The following MACF1 variants were observed in gnomAD, a reference collection of about 807,000 sequenced individuals.
MACF1 encodes the protein microtubule-actin cross-linking factor 1.
A neutral mutation model predicts 854.8 loss-of-function variants in MACF1; 193 were observed. That is an observed-to-expected ratio of 0.23 (90% confidence interval 0.20 to 0.25). The LOEUF is 0.25. MACF1 is among the 10% of genes least tolerant of loss of function. The probability of loss-of-function intolerance (pLI) is 1.00; values close to 1 mark genes in which losing one functional copy is unlikely to be tolerated. For synonymous variants in MACF1, 3,185 were observed against 3,226.7 expected (o/e 0.99, Z 0.44); for missense variants, 7,722 against 8,929.1 (o/e 0.86, Z 5.45).
Position 39,291,963 on chromosome 1 carries a change from G to A in MACF1, c.1839G>A (p.Gln613=). The A allele has an allele frequency of 6.2e-7, 1 of 1,614,070 alleles. No individual in the cohort carries two copies. Among genetic ancestry groups the A allele is most frequent in the South Asian group, 1.1e-5 (1 of 91,076 alleles). ...WGNDLPSVEL[Q]LETQQHIHTS... is the part of the protein sequence containing the mutation. ...ATGACCTGCCTAGTGTGGAGTTGCA[G>A]CTAGAAACACAGCAGCACATCCATA... The change falls in exon 16 of 101, where the codon CAG becomes CAA. Residue 613 remains glutamine, a synonymous_variant. Coordinates refer to ENST00000564288, the MANE Select transcript of MACF1 (RefSeq NM_001394062.1).
chr1:39,263,580 A>G (rs1319020305), intron 6 of MACF1, among the ~76,000 whole-genome samples: 1 of 152,024 alleles, frequency 6.6e-6, no homozygotes, highest in Non-Finnish European at 1.5e-5. Flanking sequence ...GATACATCCA[A>G]CTTTCTTTGC....
chr1:39,108,013 T>G (rs1298804171), intron 2 of MACF1, among the ~76,000 whole-genome samples: 17 of 151,610 alleles, frequency 1.1e-4, no homozygotes, highest in Non-Finnish European at 2.4e-4. Context: ...GGAATGGTAG[T>G]CAAGTATGGG....
chr1:39,480,229 A>G, intron 98 of MACF1: 1 of 443,554 alleles, frequency 2.3e-6, no homozygotes, highest in South Asian at 3.0e-5. Flanking sequence ...AAGGACATTT[A>G]TTAAAATATG....
chr1:39,156,711 A>G (rs1349155298), intron 2 of MACF1, among the ~76,000 whole-genome samples: 1 of 152,232 alleles, frequency 6.6e-6, no homozygotes, highest in Admixed American at 6.5e-5. Flanking sequence ...GATTGACTCT[A>G]CAAGAATCTA....
At chr1:39,379,562 G>A in intron 54 of MACF1, 118 bp downstream of exon 54, 1 of 1,123,410 alleles carries the variant, frequency 8.9e-7, no homozygotes, top group Non-Finnish European at 1.3e-6. Flanking sequence ...AGGCTGTGAT[G>A]GGCAGTATGT....
intron 65 of MACF1, 67 bp downstream of exon 65, chr1:39,430,135 C>A: frequency 6.6e-7 from 1 of 1,516,452 alleles, no homozygotes; most frequent in Non-Finnish European, 8.9e-7. Context: ...TAAGTTTTAT[C>A]AACCTTTACC....
At chr1:39,426,781 G>C (rs573357003) in intron 61 of MACF1, among the ~76,000 whole-genome samples, 1 of 151,920 alleles carries the variant, frequency 6.6e-6, no homozygotes, top group Non-Finnish European at 1.5e-5. Context: ...TTTTTTTTGG[G>C]GGGGGTGCTT....
intron 19 of MACF1, 68 bp downstream of exon 19, chr1:39,295,218 G>C: frequency 7.5e-7 from 1 of 1,329,470 alleles, no homozygotes; most frequent in South Asian, 1.2e-5. Flanking sequence ...ATTCAAATTA[G>C]AGACTTTGTT....
At position 39,387,735 on chromosome 1, in the gene MACF1, G is replaced by A; in HGVS notation, c.14893G>A (p.Ala4965Thr). The A allele has an allele frequency of 6.2e-6, 10 of 1,614,158 alleles. No homozygotes were observed. Among genetic ancestry groups the A allele is most frequent in the Non-Finnish European group, 8.5e-6 (10 of 1,180,030 alleles). ...CTCCCTGCTGGAAATATTGAATAGT[G>A]CTGCTGACATTCTGATCAATTCTTC... ...RRSLLEILNS[A>T]ADILINSSEA... The change falls in exon 58 of 101, where the codon GCT becomes ACT. Residue 4965 changes from alanine to threonine, a missense_variant. By Grantham distance (58) the Ala-to-Thr change is moderately conservative. Coordinates refer to ENST00000564288, the MANE Select transcript of MACF1 (RefSeq NM_001394062.1).
At chr1:39,290,671 T>C (rs1645759858) in intron 15 of MACF1, among the ~76,000 whole-genome samples, 2 of 147,134 alleles carry the variant, frequency 1.4e-5, no homozygotes, top group Admixed American at 1.3e-4. Context: ...GTAACTTTTT[T>C]TTTTTTTTTT....
chr1:39,331,957 T>A lies in MACF1; in HGVS notation c.5369T>A (p.Val1790Glu). 6.2e-7 allele frequency: 1 copy of A among 1,614,094 alleles called. No individual in the cohort carries two copies. Among genetic ancestry groups the A allele is most frequent in the Non-Finnish European group, 8.5e-7 (1 of 1,179,998 alleles). The change falls in exon 37 of 101, where the codon GTA becomes GAA. Residue 1790 changes from valine (V) to glutamate (E), a missense_variant. Val to Glu is a moderately radical substitution (Grantham distance 121). Transcript: ENST00000564288. ...CACAGACTTACAGTGGAAGAGGCTG[T>A]AAGACATAATCTGATTGACCAAGAT... Reference protein sequence around the residue: ...TGHRLTVEEAVRHNLIDQDMA... With the variant: ...TGHRLTVEEAERHNLIDQDMA...
Position 39,439,339 on chromosome 1 carries a change from C to A in MACF1, c.18286C>A (p.Arg6096=). Residue 6096 remains arginine (R), a synonymous_variant, in exon 72 of 101, where the codon CGA becomes AGA. Transcript: ENST00000564288. Reference sequence around the variant, plus strand: ...GGACATCAAAGCTCGGGCTGAAGAACGAGAAATCAAATTTCTTGATGTCCT... The same window carrying A: ...GGACATCAAAGCTCGGGCTGAAGAAAGAGAAATCAAATTTCTTGATGTCCT... ...WEDIKARAEE[R]EIKFLDVLEL... is the part of the protein sequence containing the mutation. 1.9e-6 allele frequency: 3 copies of A among 1,613,848 alleles called. No homozygotes were observed. The highest frequency in any genetic ancestry group is 2.5e-6 in the Non-Finnish European group (3 of 1,179,930).
intron 58 of MACF1, among the ~76,000 whole-genome samples, chr1:39,391,265 T>C (rs896772091): frequency 1.3e-5 from 2 of 152,210 alleles, no homozygotes; most frequent in African/African-American, 4.8e-5. Context: ...GGTTGTACTG[T>C]CTATACTATG....
intron 58 of MACF1, among the ~76,000 whole-genome samples, chr1:39,395,860 C>A (rs1237736783): frequency 6.6e-6 from 1 of 152,124 alleles, no homozygotes; most frequent in African/African-American, 2.4e-5. Flanking sequence ...TAAAATATTG[C>A]CAGTTGTATT....
intron 2 of MACF1, among the ~76,000 whole-genome samples, chr1:39,151,997 G>A (rs918264558): frequency 8.6e-5 from 13 of 151,344 alleles, no homozygotes; most frequent in Non-Finnish European, 1.9e-4. Context: ...TTTTTAAGAC[G>A]GAGTTTTGCT....
At chr1:39,354,322 C>G (rs1052649791) in intron 44 of MACF1, among the ~76,000 whole-genome samples, 1 of 152,122 alleles carries the variant, frequency 6.6e-6, no homozygotes, top group East Asian at 1.9e-4. Flanking sequence ...TTCACTTCCT[C>G]TAGGAAGCCC....
rs913001009 is a variant in MACF1 at position 39,460,095 on chromosome 1, C to G, written c.21361-537C>G. Reference sequence around the variant, plus strand: ...ATGGAGGTCAGATGGGCAATTTGCTCTCTGGTGCCATTCCAAAGAAACATG... The same window carrying G: ...ATGGAGGTCAGATGGGCAATTTGCTGTCTGGTGCCATTCCAAAGAAACATG... On this transcript the variant is annotated intron_variant, in intron 91 of 100. Transcript: ENST00000564288. This position sits in a 1 kb window ranked among gnomAD's most constrained non-coding sequence, Gnocchi z 4.1. 2.0e-5 allele frequency among the ~76,000 whole-genome samples: 3 copies of G among 152,218 alleles called. No individual in the cohort carries two copies. The highest frequency in any genetic ancestry group is 6.5e-5 in the Admixed American group (1 of 15,286).
At chr1:39,214,940 G>A (rs1644558068) in intron 1 of MACF1, among the ~76,000 whole-genome samples, 1 of 152,206 alleles carries the variant, frequency 6.6e-6, no homozygotes, top group Admixed American at 6.5e-5. Flanking sequence ...CTGCAACTAA[G>A]ATTCACCACA....
At chr1:39,140,260 C>T (rs1571091182) in intron 2 of MACF1, among the ~76,000 whole-genome samples, 1 of 152,130 alleles carries the variant, frequency 6.6e-6, no homozygotes, top group Non-Finnish European at 1.5e-5. Flanking sequence ...TAGCATAAAT[C>T]TAAATCTTAT....
Sources: allele counts gnomAD v4.1 joint callset (sites outside exome capture counted in the v4.1 genomes callset), GRCh38; gene constraint gnomAD v4.1.1; non-coding constraint Gnocchi (gnomAD v3.1); transcripts MANE v1.5; gene names NCBI Gene and HGNC (gene_info 2026-07-23, HGNC 2026-07-21).